Variants in ATP2C2 observed in about 807,000 individuals in gnomAD.
The protein encoded by ATP2C2 is calcium-transporting ATPase type 2C member 2.
Under a neutral mutation model 110.8 loss-of-function variants are expected in ATP2C2, and 171 were observed. The ratio of observed to expected loss-of-function variants is 1.54; its 90% confidence interval spans 1.36 to 1.75. ATP2C2 has a LOEUF of 1.75. ATP2C2 is among the 40% of genes most tolerant of loss of function. The pLI, the probability that ATP2C2 is intolerant of heterozygous loss-of-function variation, is 0.00. For missense variants in ATP2C2, 1,963 were observed against 1,235.0 expected, an observed-to-expected ratio of 1.59 and a Z score of -8.84; for synonymous variants, 804 against 508.4, an observed-to-expected ratio of 1.58 and a Z score of -7.82.
intron 11 of ATP2C2, among the ~76,000 whole-genome samples, chr16:84,435,838 T>G (rs145286641): frequency 8.5e-6 from 1 of 117,470 alleles, no homozygotes; most frequent in South Asian, 2.7e-4. Flanking sequence ...AAAAAAAAAA[T>G]AAAAAACAGG....
In ATP2C2 at chr16:84,412,276, A is replaced by G. The variant is rs1200718767; in HGVS notation, c.515+1511A>G. Among the ~76,000 whole-genome samples the G allele has an allele frequency of 5.4e-5, 6 of 111,032 alleles. No homozygotes were observed. In the Admixed American group the frequency reaches 6.5e-4, roughly 12 times the overall value. 72.8% of individuals were successfully genotyped at this position (111,032 alleles called of 152,430 possible). A position where few individuals can be genotyped will look rare whatever the true frequency, so the allele number is the denominator to read the frequency against. On this transcript the variant is annotated intron_variant, in intron 6 of 26. Coordinates refer to ENST00000262429, the MANE Select transcript of ATP2C2 (RefSeq NM_014861.4). ...TGTATGTGTGTGTATGTATGTGTGT[A>G]CGTGTGTGCACGTATGTGTGTGTGT...
At chr16:84,462,386 A>C in intron 26 of ATP2C2, 1 of 417,276 alleles carries the variant, frequency 2.4e-6, no homozygotes. Flanking sequence ...GGGCACCGGC[A>C]TCCCAGGCGT....
chr16:84,460,944 G>T, intron 24 of ATP2C2, 143 bp downstream of exon 24: 2 of 1,224,114 alleles, frequency 1.6e-6, no homozygotes, highest in Non-Finnish European at 2.2e-6. Flanking sequence ...GCCATCAGAG[G>T]CGTGGGGTGC....
At chr16:84,411,352 C>G (rs1906269628) in intron 6 of ATP2C2, among the ~76,000 whole-genome samples, 2 of 152,208 alleles carry the variant, frequency 1.3e-5, no homozygotes, top group Admixed American at 6.5e-5. Context: ...CCACATGGCC[C>G]TTTCTGCTTA....
chr16:84,447,408 C>G (rs941137912), intron 16 of ATP2C2, among the ~76,000 whole-genome samples: 1 of 151,474 alleles, frequency 6.6e-6, no homozygotes, highest in Non-Finnish European at 1.5e-5. Flanking sequence ...AAGCTTCTTT[C>G]ATTCCACCCT....
rs536532234 is a variant in ATP2C2 at position 84,440,802 on chromosome 16, G to C, written c.1210-55G>C. 832 of 1,391,912 alleles carry C rather than the reference G, an allele frequency of 6.0e-4. 9 individuals are homozygous for C. In the South Asian group the frequency reaches 7.0e-3, roughly 12 times the overall value. The allele number at this position is 1,391,912 out of a possible 1,614,324, so 86.2% of individuals were successfully genotyped here. A position where few individuals can be genotyped will look rare whatever the true frequency, so the allele number is the denominator to read the frequency against. The stretch of plus-strand genomic sequence containing the variant: ...CCAGGACAGAGATTGTGGGCCAACT[G>C]GGGGAGCATGTTTTTGACTCTTGGC... On this transcript the variant is annotated intron_variant, in intron 13 of 26. Coordinates refer to ENST00000262429, the MANE Select transcript of ATP2C2 (RefSeq NM_014861.4).
At position 84,451,882 on chromosome 16, in the gene ATP2C2, G is replaced by A. The variant is rs751437377; in HGVS notation, c.1661-39G>A. On this transcript the variant is annotated intron_variant, in intron 17 of 26. Transcript: ENST00000262429. The stretch of plus-strand genomic sequence containing the variant: ...AACAACAAAAAACGACGGCCCCTAA[G>A]CCCCCGGTGACCCCTCCTTACTCCC... 12 of 1,576,064 alleles carry A rather than the reference G, an allele frequency of 7.6e-6. No individual in the cohort carries two copies. The East Asian group carries it at 2.7e-4, about 35-fold the overall frequency.
intron 11 of ATP2C2, 138 bp from the exon 12 acceptor site, chr16:84,439,028 A>T: frequency 1.5e-6 from 2 of 1,315,302 alleles, no homozygotes; most frequent in East Asian, 4.8e-5. Flanking sequence ...GCACCTTAGG[A>T]TTGGGAATGG....
At chr16:84,396,495 A>C (rs1259285888) in intron 1 of ATP2C2, among the ~76,000 whole-genome samples, 2 of 144,250 alleles carry the variant, frequency 1.4e-5, no homozygotes, top group African/African-American at 5.2e-5. Flanking sequence ...GGTTGTAGTG[A>C]GCCGAGGTCG....
Position 84,415,607 on chromosome 16 carries a change from C to G in ATP2C2, c.624+16C>G, listed in dbSNP as rs745387773. 7.5e-6 allele frequency: 12 copies of G among 1,594,334 alleles called. No homozygotes were observed. Among genetic ancestry groups the G allele is most frequent in the Non-Finnish European group, 1.0e-5 (12 of 1,166,494 alleles). On this transcript the variant is annotated intron_variant, in intron 7 of 26. Transcript: ENST00000262429. Reference sequence around the variant, plus strand: ...ACTCACTGAGGTGAGTGGTTCCAAACCCTTGTCAATGGGGTATTTGATGGA... The same window carrying G: ...ACTCACTGAGGTGAGTGGTTCCAAAGCCTTGTCAATGGGGTATTTGATGGA...
chr16:84,448,925 T>A (rs1910009125), intron 17 of ATP2C2, among the ~76,000 whole-genome samples: 1 of 152,200 alleles, frequency 6.6e-6, no homozygotes, highest in Non-Finnish European at 1.5e-5. Flanking sequence ...TACCCTCCCT[T>A]GCTGAGTTTC....
At chr16:84,411,456 T>G (rs558726725) in intron 6 of ATP2C2, among the ~76,000 whole-genome samples, 1 of 152,338 alleles carries the variant, frequency 6.6e-6, no homozygotes, top group East Asian at 1.9e-4. Context: ...TTTTGTTGTT[T>G]TTTAAGATAG....
At chr16:84,449,167 G>A (rs1910028410) in intron 17 of ATP2C2, among the ~76,000 whole-genome samples, 1 of 152,246 alleles carries the variant, frequency 6.6e-6, no homozygotes, top group Non-Finnish European at 1.5e-5. Flanking sequence ...AGTTACAGAG[G>A]AAGCGTTTAG....
chr16:84,433,924 G>A (rs116247519), intron 11 of ATP2C2, among the ~76,000 whole-genome samples: 60 of 152,242 alleles, frequency 3.9e-4, no homozygotes, highest in African/African-American at 1.3e-3. Context: ...TGATCCATGC[G>A]AGTGGACTTG....
At chr16:84,442,159 T>G (rs993465277) in intron 14 of ATP2C2, among the ~76,000 whole-genome samples, 1 of 152,094 alleles carries the variant, frequency 6.6e-6, no homozygotes, top group Non-Finnish European at 1.5e-5. Context: ...ATTCAGTGGT[T>G]TCAATTTGTT....
chr16:84,398,461 G>A, intron 1 of ATP2C2, 38 bp from the exon 2 acceptor site: 1 of 1,410,980 alleles, frequency 7.1e-7, no homozygotes, highest in Non-Finnish European at 9.7e-7. Context: ...CAGTACAAAA[G>A]TTCAATCCGC....
chr16:84,441,544 C>T lies in ATP2C2; in HGVS notation c.1311+586C>T, dbSNP rs190684196. 1.7e-4 allele frequency among the ~76,000 whole-genome samples: 26 copies of T among 152,324 alleles called. 1 individual carries two copies. The highest frequency in any genetic ancestry group is 1.3e-3 in the Admixed American group (20 of 15,304). On this transcript the variant is annotated intron_variant, in intron 14 of 26. Transcript: ENST00000262429. Reference sequence around the variant, plus strand: ...GGCACCCTTCTTCCTCTGTACAGTTCAGTGAGCGCCACTTGCAAAGGACCT... The same window carrying T: ...GGCACCCTTCTTCCTCTGTACAGTTTAGTGAGCGCCACTTGCAAAGGACCT...
In ATP2C2 at chr16:84,373,814, C is replaced by T. The variant is rs114814980; in HGVS notation, c.99+5100C>T. Among the ~76,000 whole-genome samples, 725 of 152,296 alleles carry T rather than the reference C, an allele frequency of 4.8e-3. 8 individuals are homozygous for T. The highest frequency in any genetic ancestry group is 0.017 in the African/African-American group (688 of 41,572). On this transcript the variant is annotated intron_variant, in intron 1 of 26. Transcript: ENST00000262429. ...ACTTATCTAGTTTTGTTAGTGTTTT[C>T]ATTCATCGTAAGTTCTGTTCTTTAA...
At chr16:84,369,165 G>C (rs1015361186) in intron 1 of ATP2C2, among the ~76,000 whole-genome samples, 1 of 152,232 alleles carries the variant, frequency 6.6e-6, no homozygotes, top group East Asian at 1.9e-4. Context: ...AGAAAGCAAA[G>C]TTGGAGCTGA....
Sources: allele counts gnomAD v4.1 joint callset (sites outside exome capture counted in the v4.1 genomes callset), GRCh38; gene constraint gnomAD v4.1.1; transcripts MANE v1.5; gene names NCBI Gene and HGNC (gene_info 2026-07-23, HGNC 2026-07-21).